GALNTL6: variants seen among roughly 807,000 people sequenced by gnomAD.
GALNTL6 encodes the protein polypeptide N-acetylgalactosaminyltransferase-like 6.
Under a neutral mutation model 73.7 loss-of-function variants are expected in GALNTL6, and 46 were observed. That is an observed-to-expected ratio of 0.62 (90% confidence interval 0.49 to 0.80). GALNTL6 has a LOEUF of 0.80. Ranked by LOEUF, GALNTL6 falls within the 30% of genes least tolerant of loss-of-function variation. The probability of loss-of-function intolerance (pLI) is 0.00; values close to 1 mark genes in which losing one functional copy is unlikely to be tolerated. For missense variants in GALNTL6, 604 were observed against 755.0 expected (o/e 0.80, Z 2.34); for synonymous variants, 259 against 263.7 (o/e 0.98, Z 0.17).
At chr4:172,782,377 C>T (rs935485212) in intron 5 of GALNTL6, among the ~76,000 whole-genome samples, 6 of 152,052 alleles carry the variant, frequency 3.9e-5, no homozygotes, top group African/African-American at 1.4e-4. Context: ...TGAGAGGAAG[C>T]AATTATATTT....
At chr4:172,489,591 G>T (rs1170723153) in intron 5 of GALNTL6, among the ~76,000 whole-genome samples, 1 of 152,132 alleles carries the variant, frequency 6.6e-6, no homozygotes, top group East Asian at 1.9e-4. Flanking sequence ...TAATACTAGT[G>T]TCATTATCTG....
rs1430372661 is a variant in GALNTL6 at position 173,001,915 on chromosome 4, G to A, written c.1372-7263G>A. On this transcript the variant is annotated intron_variant, in intron 10 of 12. Coordinates refer to ENST00000506823, the MANE Select transcript of GALNTL6 (RefSeq NM_001034845.3). ...ATTGGAACCATTGTACATTGCTTGTGGGAATGTAAAATGGTTCAGCTACTG... is the reference window on the plus strand; with the variant it reads ...ATTGGAACCATTGTACATTGCTTGTAGGAATGTAAAATGGTTCAGCTACTG... Among the ~76,000 whole-genome samples, 2 of 152,304 alleles carry A rather than the reference G, an allele frequency of 1.3e-5. 1 individual carries two copies. Among genetic ancestry groups the A allele is most frequent in the Non-Finnish European group, 2.9e-5 (2 of 68,024 alleles).
At chr4:171,836,640 T>C (rs1247472725) in intron 2 of GALNTL6, among the ~76,000 whole-genome samples, 2 of 152,126 alleles carry the variant, frequency 1.3e-5, no homozygotes, top group Admixed American at 1.3e-4. Context: ...TTTTAATATT[T>C]TGTTTCGTAT....
chr4:172,550,010 G>A (rs1175836567), intron 5 of GALNTL6, among the ~76,000 whole-genome samples: 2 of 152,216 alleles, frequency 1.3e-5, no homozygotes, highest in Non-Finnish European at 2.9e-5. Flanking sequence ...GTTTTCCACA[G>A]TAAAGTTTCA....
intron 5 of GALNTL6, among the ~76,000 whole-genome samples, chr4:172,740,807 G>C (rs927143443): frequency 6.6e-6 from 1 of 152,098 alleles, no homozygotes; most frequent in Admixed American, 6.6e-5. Context: ...CTGTGATGTG[G>C]CTAATGAAGA....
At chr4:172,635,664 A>T (rs1272189446) in intron 5 of GALNTL6, among the ~76,000 whole-genome samples, 1 of 152,172 alleles carries the variant, frequency 6.6e-6, no homozygotes, top group Admixed American at 6.6e-5. Flanking sequence ...GTTTTTAAAC[A>T]TTCCTTGTAA....
intron 9 of GALNTL6, among the ~76,000 whole-genome samples, chr4:172,946,744 C>T (rs1405116826): frequency 6.6e-6 from 1 of 152,136 alleles, no homozygotes; most frequent in Non-Finnish European, 1.5e-5. Context: ...ACATTTGTGA[C>T]ACACAAAGAA....
intron 2 of GALNTL6, among the ~76,000 whole-genome samples, chr4:171,918,925 T>C (rs913001792): frequency 2.1e-4 from 32 of 152,106 alleles, no homozygotes; most frequent in African/African-American, 7.5e-4. Context: ...TTATAGTGTG[T>C]ATCTGAAATA....
chr4:172,823,498 T>A (rs1425804907), intron 7 of GALNTL6, among the ~76,000 whole-genome samples: 1 of 152,170 alleles, frequency 6.6e-6, no homozygotes, highest in Non-Finnish European at 1.5e-5. Context: ...GAAATAAATA[T>A]TAAGATTGGA....
Position 172,871,786 on chromosome 4 carries a change from T to TG in GALNTL6, c.924-11004_924-11003insG, listed in dbSNP as rs59014864. On this transcript the variant is annotated intron_variant, in intron 7 of 12. Coordinates refer to ENST00000506823, the MANE Select transcript of GALNTL6 (RefSeq NM_001034845.3). ...TTGTTTGTTTGTTTGTTTGTTTGTT[T>TG]TTTGGGGTTTTTTTGGTGATGGAGT... is the stretch of plus-strand genomic sequence containing the variant. 4.1e-5 allele frequency among the ~76,000 whole-genome samples: 6 copies of TG among 144,580 alleles called. No individual in the cohort carries two copies. In the South Asian group the frequency reaches 6.6e-4, roughly 16 times the overall value. The allele number at this position is 144,580 out of a possible 152,430, so 94.9% of individuals were successfully genotyped here. A position where few individuals can be genotyped will look rare whatever the true frequency, so the allele number is the denominator to read the frequency against.
chr4:172,687,618 A>G (rs1264208203), intron 5 of GALNTL6, among the ~76,000 whole-genome samples: 1 of 95,530 alleles, frequency 1.0e-5, no homozygotes, highest in Admixed American at 1.4e-4. Flanking sequence ...ACAAGGCAAG[A>G]CTGTCTCAAA....
At chr4:172,174,703 C>T (rs866326465) in intron 2 of GALNTL6, among the ~76,000 whole-genome samples, 8 of 152,106 alleles carry the variant, frequency 5.3e-5, no homozygotes, top group African/African-American at 1.7e-4. Context: ...ACTAAGTTTC[C>T]TAAACATGTG....
chr4:171,845,250 G>A (rs752613656), intron 2 of GALNTL6, among the ~76,000 whole-genome samples: 1 of 152,082 alleles, frequency 6.6e-6, no homozygotes, highest in Non-Finnish European at 1.5e-5. Context: ...CAAAATTCTT[G>A]CTGGTCTCTT....
At chr4:172,226,752 T>C (rs1736881936) in intron 2 of GALNTL6, among the ~76,000 whole-genome samples, 1 of 152,090 alleles carries the variant, frequency 6.6e-6, no homozygotes, top group South Asian at 2.1e-4. Context: ...TCTCTAATTT[T>C]GTTTGTTTTT....
At chr4:172,577,168 G>T (rs1243758920) in intron 5 of GALNTL6, among the ~76,000 whole-genome samples, 1 of 152,138 alleles carries the variant, frequency 6.6e-6, no homozygotes, top group Non-Finnish European at 1.5e-5. Context: ...TTAAATAATT[G>T]TTTAATGAAT....
rs148942823 is a variant in GALNTL6, at chr4:172,678,766, C to T, written c.554-130595C>T. Among the ~76,000 whole-genome samples, 15 of 152,320 alleles carry T rather than the reference C, an allele frequency of 9.8e-5. No individual in the cohort carries two copies. The East Asian group carries it at 2.7e-3, about 27-fold the overall frequency. On this transcript the variant is annotated intron_variant, in intron 5 of 12. Coordinates refer to ENST00000506823, the MANE Select transcript of GALNTL6 (RefSeq NM_001034845.3). ...CTTAATCCATGATGTCACTTCTCAG[C>T]TTACATATCAACTGAGTTAATTTCT...
At chr4:172,083,257 T>A (rs191322763) in intron 2 of GALNTL6, among the ~76,000 whole-genome samples, 1 of 152,366 alleles carries the variant, frequency 6.6e-6, no homozygotes, top group Non-Finnish European at 1.5e-5. Context: ...GTATTTCTAA[T>A]CTGTCTTTGC....
intron 3 of GALNTL6, among the ~76,000 whole-genome samples, chr4:172,230,603 A>C (rs1332620788): frequency 6.6e-6 from 1 of 152,044 alleles, no homozygotes; most frequent in Admixed American, 6.6e-5. Context: ...ACAAAAAAGA[A>C]TAAGTCTTTC....
chr4:172,148,737 C>T (rs1254222083), intron 2 of GALNTL6, among the ~76,000 whole-genome samples: 1 of 152,200 alleles, frequency 6.6e-6, no homozygotes, highest in Non-Finnish European at 1.5e-5. Flanking sequence ...AGTGCTCTTA[C>T]ATTTCACACC....
Sources: gnomAD v4.1 joint callset for allele counts (sites outside exome capture counted in the v4.1 genomes callset) on GRCh38, gnomAD v4.1.1 for gene constraint, MANE v1.5 for transcripts, NCBI Gene and HGNC (gene_info 2026-07-23, HGNC 2026-07-21) for gene names.